Variants in PPP4R2 observed in about 807,000 individuals in gnomAD.
The protein encoded by PPP4R2 is protein phosphatase 4 regulatory subunit 2, also known as serine/threonine-protein phosphatase 4 regulatory subunit 2.
In PPP4R2, 13 loss-of-function variants were observed where a neutral mutation model predicts 47.2. That is an observed-to-expected ratio of 0.28 (90% confidence interval 0.18 to 0.44). The LOEUF is 0.44. Among genes scored for constraint, PPP4R2 ranks in the 20% least tolerant of loss-of-function variants. PPP4R2 has a pLI of 1.00. For synonymous variants in PPP4R2, 151 were observed against 163.3 expected (o/e 0.92, Z 0.57); for missense variants, 421 against 491.2 (o/e 0.86, Z 1.35).
rs376258491 is a variant in PPP4R2, at chr3:73,013,508, C to T, written c.116+15350C>T. ...ATGTAAGAAAAAAAATCAAACTATA[C>T]TGTTACCTATTTCTTGTATATTCTT... is the stretch of plus-strand genomic sequence containing the variant. On this transcript the variant is annotated intron_variant, in intron 2 of 8. Transcript: ENST00000356692. Among the ~76,000 whole-genome samples, 39 of 152,210 alleles carry T rather than the reference C, an allele frequency of 2.6e-4. 1 individual carries two copies. Among genetic ancestry groups the T allele is most frequent in the African/African-American group, 8.9e-4 (37 of 41,544 alleles).
chr3:73,001,447 C>A (rs1246965045), intron 2 of PPP4R2, among the ~76,000 whole-genome samples: 4 of 144,414 alleles, frequency 2.8e-5, no homozygotes, highest in Non-Finnish European at 3.0e-5. Context: ...GCCTGTAGTC[C>A]CAGCTACTCC....
At chr3:73,021,232 A>AT (rs1553646774) in intron 2 of PPP4R2, among the ~76,000 whole-genome samples, 234 of 114,782 alleles carry the variant, frequency 2.0e-3, no homozygotes, top group Non-Finnish European at 3.3e-3. Context: ...ATTAAAAAAA[A>AT]ATTTTTTTTT....
chr3:73,047,171 A>C lies in PPP4R2; in HGVS notation c.117-15A>C. ...GCTACATGGTATTATATATTTTTTA[A>C]TTTTTTGCTTATAGGATTCAGTGGT... On this transcript the variant is annotated splice_polypyrimidine_tract_variant and intron_variant, in intron 2 of 8. Coordinates refer to ENST00000356692, the MANE Select transcript of PPP4R2 (RefSeq NM_174907.4). 6.8e-7 allele frequency: 1 copy of C among 1,471,262 alleles called. No homozygotes were observed. Among genetic ancestry groups the C allele is most frequent in the South Asian group, 1.3e-5 (1 of 78,234 alleles). The allele number at this position is 1,471,262 out of a possible 1,614,324, so 91.1% of individuals were successfully genotyped here. A position where few individuals can be genotyped will look rare whatever the true frequency, so the allele number is the denominator to read the frequency against.
chr3:73,025,363 C>A (rs1352175126), intron 2 of PPP4R2, among the ~76,000 whole-genome samples: 2 of 152,068 alleles, frequency 1.3e-5, no homozygotes, highest in Non-Finnish European at 2.9e-5. Flanking sequence ...GACCCTTGTT[C>A]TATTATTGTG....
chr3:73,047,952 C>G (rs1229739013), intron 3 of PPP4R2, among the ~76,000 whole-genome samples: 1 of 152,248 alleles, frequency 6.6e-6, no homozygotes, highest in African/African-American at 2.4e-5. Context: ...TCTTGGCTCG[C>G]TGCAGTCTCT....
chr3:73,060,017 T>G (rs915008555), intron 4 of PPP4R2, among the ~76,000 whole-genome samples: 1 of 151,822 alleles, frequency 6.6e-6, no homozygotes, highest in Non-Finnish European at 1.5e-5. Flanking sequence ...AATTGACTTG[T>G]CTTGAGTGAA....
intron 2 of PPP4R2, among the ~76,000 whole-genome samples, chr3:73,017,750 G>A (rs1249876675): frequency 6.7e-6 from 1 of 149,986 alleles, no homozygotes; most frequent in African/African-American, 2.5e-5. Flanking sequence ...TTTTTGAGAT[G>A]GAGTCTTGCT....
chr3:73,067,755 T>A lies in PPP4R2; in HGVS notation c.*2033T>A, dbSNP rs894880350. On this transcript the variant is annotated 3_prime_UTR_variant, in exon 9 of 9. Transcript: ENST00000356692. ...CTTTTGTTGGTTGTAAGTTGAAGATTTAGCATTATGACTTTGAGGTCTGTG... is the reference window on the plus strand; with the variant it reads ...CTTTTGTTGGTTGTAAGTTGAAGATATAGCATTATGACTTTGAGGTCTGTG... 10 of 152,220 alleles carry A rather than the reference T, an allele frequency of 6.6e-5. No homozygotes were observed. The highest frequency in any genetic ancestry group is 1.2e-4 in the Non-Finnish European group (8 of 68,032). 9.4% of individuals were successfully genotyped at this position (152,220 alleles called of 1,614,324 possible).
In PPP4R2 at chr3:73,002,629, C is replaced by CTTTTTTTTT. The variant is rs1245599779; in HGVS notation, c.116+4475_116+4476insTTTTTTTTT. ...TTTTTCTTTTCTTTTCTTTTCTTTT[C>CTTTTTTTTT]TTTTCTTTTTTTTTTTTTTTTTTTT... is the stretch of plus-strand genomic sequence containing the variant. On this transcript the variant is annotated intron_variant, in intron 2 of 8. Coordinates refer to ENST00000356692, the MANE Select transcript of PPP4R2 (RefSeq NM_174907.4). Among the ~76,000 whole-genome samples, 460 of 82,812 alleles carry CTTTTTTTTT rather than the reference C, an allele frequency of 5.6e-3. 32 individuals carry two copies. The highest frequency in any genetic ancestry group is 7.4e-3 in the Non-Finnish European group (309 of 41,506). The allele number at this position is 82,812 out of a possible 152,430, so 54.3% of individuals were successfully genotyped here.
At chr3:73,064,607 G>T (rs563753768) in intron 7 of PPP4R2, among the ~76,000 whole-genome samples, 5 of 152,280 alleles carry the variant, frequency 3.3e-5, no homozygotes, top group African/African-American at 1.2e-4. Context: ...TATTGTAGGA[G>T]AATATTTAAC....
intron 4 of PPP4R2, 85 bp downstream of exon 4, chr3:73,059,215 G>A (rs954805671): frequency 1.9e-5 from 12 of 643,724 alleles, no homozygotes; most frequent in East Asian, 1.2e-4. Flanking sequence ...GATCTGTTTC[G>A]GGTACCACTT....
intron 2 of PPP4R2, among the ~76,000 whole-genome samples, chr3:73,010,366 G>C (rs560797637): frequency 6.6e-6 from 1 of 152,110 alleles, no homozygotes; most frequent in East Asian, 1.9e-4. Flanking sequence ...AGCTGCCAGA[G>C]GCATGTGCCA....
At chr3:73,062,315 G>A (rs1300763844) in intron 5 of PPP4R2, 2 of 1,605,576 alleles carry the variant, frequency 1.2e-6, no homozygotes, top group Non-Finnish European at 1.7e-6. Flanking sequence ...GAAGATTTGA[G>A]CTATCTGGGA....
At chr3:73,003,433 G>T (rs1223266987) in intron 2 of PPP4R2, among the ~76,000 whole-genome samples, 1 of 151,946 alleles carries the variant, frequency 6.6e-6, no homozygotes, top group African/African-American at 2.4e-5. Flanking sequence ...GGCTGTTCTC[G>T]AACTCCTGGC....
At chr3:73,005,261 G>C (rs1474411720) in intron 2 of PPP4R2, among the ~76,000 whole-genome samples, 2 of 151,476 alleles carry the variant, frequency 1.3e-5, no homozygotes, top group African/African-American at 2.4e-5. Flanking sequence ...GGTTTTTATA[G>C]ACTAGATCTT....
At chr3:73,060,545 T>C (rs369825992) in intron 4 of PPP4R2, among the ~76,000 whole-genome samples, 1 of 152,198 alleles carries the variant, frequency 6.6e-6, no homozygotes, top group Admixed American at 6.5e-5. Context: ...TGAATATTAG[T>C]AAAGTTATTT....
intron 2 of PPP4R2, among the ~76,000 whole-genome samples, chr3:73,028,279 G>A (rs528609477): frequency 2.2e-4 from 33 of 151,476 alleles, no homozygotes; most frequent in African/African-American, 7.0e-4. Context: ...AAAAAAAGAC[G>A]GGGTCTTACT....
chr3:73,036,211 G>A (rs998721727), intron 2 of PPP4R2, among the ~76,000 whole-genome samples: 1 of 152,160 alleles, frequency 6.6e-6, no homozygotes. Context: ...CTTAACGGAG[G>A]TAGAGAGTAG....
At chr3:73,057,494 A>G (rs1421397382) in intron 3 of PPP4R2, among the ~76,000 whole-genome samples, 1 of 152,106 alleles carries the variant, frequency 6.6e-6, no homozygotes, top group African/African-American at 2.4e-5. Context: ...CAAACATTTA[A>G]TCTTTTATTC....
Sources: allele counts gnomAD v4.1 joint callset (sites outside exome capture counted in the v4.1 genomes callset), GRCh38; gene constraint gnomAD v4.1.1; transcripts MANE v1.5; gene names NCBI Gene and HGNC (gene_info 2026-07-23, HGNC 2026-07-21).